The following CAMK4 variants were observed in gnomAD, a reference collection of about 807,000 sequenced individuals.
CAMK4 encodes the protein calcium/calmodulin dependent protein kinase IV.
CAMK4 carries 22 observed loss-of-function variants against 44.9 expected under a neutral mutation model. The ratio of observed to expected loss-of-function variants is 0.49; its 90% CI spans 0.35 to 0.70. The LOEUF is 0.70. Ranked by LOEUF, CAMK4 falls within the 30% of genes least tolerant of loss-of-function variation. CAMK4 has a pLI of 0.01. For synonymous variants in CAMK4, 218 were observed against 215.4 expected (o/e 1.01, Z -0.11); for missense variants, 498 against 586.8 (o/e 0.85, Z 1.56).
chr5:111,460,206 G>T (rs1444705452), intron 7 of CAMK4, among the ~76,000 whole-genome samples: 1 of 151,250 alleles, frequency 6.6e-6, no homozygotes, highest in Non-Finnish European at 1.5e-5. Flanking sequence ...ATTATCATCA[G>T]TGAGAAGGTT....
intron 1 of CAMK4, among the ~76,000 whole-genome samples, chr5:111,338,282 A>T (rs1186632186): frequency 6.6e-6 from 1 of 151,212 alleles, no homozygotes; most frequent in Non-Finnish European, 1.5e-5. Flanking sequence ...AGTATACAAT[A>T]CATTATTATT....
At chr5:111,259,881 A>G (rs994586119) in intron 1 of CAMK4, among the ~76,000 whole-genome samples, 2 of 152,192 alleles carry the variant, frequency 1.3e-5, no homozygotes, top group Admixed American at 6.5e-5. Flanking sequence ...TATAAAACAT[A>G]TGTGTTAGGA....
intron 5 of CAMK4, among the ~76,000 whole-genome samples, chr5:111,412,679 G>A (rs1376750549): frequency 6.6e-6 from 1 of 152,254 alleles, no homozygotes; most frequent in African/African-American, 2.4e-5. Context: ...ACTCAACTCT[G>A]GAGGCAGGGC....
chr5:111,411,743 C>T (rs1448000737), intron 5 of CAMK4, among the ~76,000 whole-genome samples: 2 of 152,180 alleles, frequency 1.3e-5, no homozygotes, highest in African/African-American at 4.8e-5. Flanking sequence ...TATTGGCAAA[C>T]ATTAGACTTG....
chr5:111,394,080 C>T (rs1247556915), intron 4 of CAMK4, among the ~76,000 whole-genome samples: 2 of 151,928 alleles, frequency 1.3e-5, no homozygotes, highest in Admixed American at 1.3e-4. Context: ...AAGAGATACG[C>T]TAACCATTCA....
At chr5:111,345,008 A>T (rs1458958825) in intron 2 of CAMK4, among the ~76,000 whole-genome samples, 3 of 151,886 alleles carry the variant, frequency 2.0e-5, no homozygotes, top group Admixed American at 2.0e-4. Context: ...CCCAGTTGTA[A>T]AGTATGCTGA....
At position 111,236,091 on chromosome 5, in the gene CAMK4, C is replaced by T. The variant is rs556207108; in HGVS notation, c.161+11447C>T. Among the ~76,000 whole-genome samples the T allele has an allele frequency of 5.9e-5, 9 of 152,326 alleles. No individual in the cohort carries two copies. The East Asian group carries it at 1.4e-3, about 23-fold the overall frequency. On this transcript the variant is annotated intron_variant, in intron 1 of 10. Transcript: ENST00000282356. ...GAAGATTGTGGTAGTGTGTTCTCCA[C>T]GTCATTTCTGTGACAATCAAATGAG...
At chr5:111,400,184 A>G (rs1431519517) in intron 5 of CAMK4, among the ~76,000 whole-genome samples, 1 of 152,228 alleles carries the variant, frequency 6.6e-6, no homozygotes, top group Non-Finnish European at 1.5e-5. Flanking sequence ...TTCAAATCAA[A>G]TGTTCCTTAA....
At chr5:111,419,377 C>A (rs1190645028) in intron 5 of CAMK4, among the ~76,000 whole-genome samples, 11 of 152,064 alleles carry the variant, frequency 7.2e-5, no homozygotes, top group Non-Finnish European at 1.6e-4. Context: ...TGAAAATTTT[C>A]TCCCATTTCG....
chr5:111,429,673 G>T (rs1157777227), intron 5 of CAMK4, among the ~76,000 whole-genome samples: 1 of 150,308 alleles, frequency 6.7e-6, no homozygotes, highest in Non-Finnish European at 1.5e-5. Context: ...CTACTCAGGA[G>T]GCTGAGGTGG....
chr5:111,360,001 G>T (rs1321328636), intron 2 of CAMK4, among the ~76,000 whole-genome samples: 1 of 151,970 alleles, frequency 6.6e-6, no homozygotes, highest in Admixed American at 6.6e-5. Flanking sequence ...TTTTTATGGA[G>T]GGGAATGTGG....
chr5:111,387,122 C>A (rs1751632857), intron 4 of CAMK4, among the ~76,000 whole-genome samples: 2 of 152,242 alleles, frequency 1.3e-5, no homozygotes, highest in South Asian at 4.2e-4. Flanking sequence ...TTTACTAAAT[C>A]TCAAGAGAAA....
In CAMK4 at chr5:111,250,325, T is replaced by C. The variant is rs1253646975; in HGVS notation, c.161+25681T>C. Among the ~76,000 whole-genome samples the C allele has an allele frequency of 2.0e-5, 3 of 152,186 alleles. No homozygotes were observed. In the East Asian group the frequency reaches 5.8e-4, roughly 29 times the overall value. On this transcript the variant is annotated intron_variant, in intron 1 of 10. Transcript: ENST00000282356. ...GGGAGAGAATCATGTTGCTTTCTCTTACCTGATTGAAGGCATGGTGTACTT... is the reference window on the plus strand; with the variant it reads ...GGGAGAGAATCATGTTGCTTTCTCTCACCTGATTGAAGGCATGGTGTACTT...
At chr5:111,378,752 T>A (rs1267231557) in intron 4 of CAMK4, among the ~76,000 whole-genome samples, 1 of 152,184 alleles carries the variant, frequency 6.6e-6, no homozygotes, top group Non-Finnish European at 1.5e-5. Context: ...CTCACAGTTG[T>A]GAATCCTGAC....
At chr5:111,344,257 T>C (rs769210232) in intron 2 of CAMK4, among the ~76,000 whole-genome samples, 155 bp downstream of exon 2, 20 of 151,834 alleles carry the variant, frequency 1.3e-4, no homozygotes, top group Non-Finnish European at 2.8e-4. Context: ...TAGGTTGTTG[T>C]CTGGTGGAAA....
chr5:111,224,183 G>C (rs1451696566), upstream of CAMK4: 1 of 255,870 alleles, frequency 3.9e-6, no homozygotes, highest in African/African-American at 2.3e-5. The surrounding 1 kb of genome is among the most constrained non-coding windows in gnomAD (Gnocchi z 5.7). Context: ...GGCTCGGCGC[G>C]GGAGGAGGGC....
chr5:111,438,419 A>G (rs914826669), intron 5 of CAMK4, among the ~76,000 whole-genome samples: 1 of 152,238 alleles, frequency 6.6e-6, no homozygotes, highest in Non-Finnish European at 1.5e-5. Flanking sequence ...TATCTGTCAT[A>G]TTCAAATCAC....
intron 4 of CAMK4, among the ~76,000 whole-genome samples, chr5:111,390,320 A>G (rs1751753219): frequency 6.6e-6 from 1 of 152,124 alleles, no homozygotes; most frequent in South Asian, 2.1e-4. Flanking sequence ...AAAAACTATA[A>G]TCATTGAGGT....
chr5:111,309,788 A>T lies in CAMK4; in HGVS notation c.162-34236A>T, dbSNP rs369836029. On this transcript the variant is annotated intron_variant, in intron 1 of 10. Transcript: ENST00000282356. ...TATTTTTAAAAAGTGAGTTGAAATA[A>T]ATGTGGGTTGGATATGGGACTTTAG... Among the ~76,000 whole-genome samples, 5 of 152,272 alleles carry T rather than the reference A, an allele frequency of 3.3e-5. No individual in the cohort carries two copies. In the East Asian group the frequency reaches 9.7e-4, roughly 29 times the overall value.
Sources: gnomAD v4.1 joint callset for allele counts (sites outside exome capture counted in the v4.1 genomes callset) on GRCh38, gnomAD v4.1.1 for gene constraint, Gnocchi (gnomAD v3.1) non-coding constraint, MANE v1.5 for transcripts, NCBI Gene and HGNC (gene_info 2026-07-23, HGNC 2026-07-21) for gene names.